Variants in OR51A4 observed in about 807,000 individuals in gnomAD.
OR51A4 encodes the protein olfactory receptor family 51 subfamily A member 4.
For synonymous variants in OR51A4, 96 were observed against 141.5 expected (o/e 0.68, Z 2.28); for missense variants, 243 against 364.0 (o/e 0.67, Z 2.70).
In OR51A4 at chr11:4,946,046, T is replaced by C. The variant is rs1846294148; in HGVS notation, c.*113A>G. On this transcript the variant is annotated 3_prime_UTR_variant, in exon 2 of 2. Transcript: ENST00000641898. The stretch of plus-strand genomic sequence containing the variant: ...GTATCCAGAGTGAATAAAATAACTC[T>C]ATGACAACAACAAAAATATGTGTTG... 1 of 739,538 alleles carries C rather than the reference T, an allele frequency of 1.4e-6. No individual in the cohort carries two copies. The highest frequency in any genetic ancestry group is 2.0e-6 in the Non-Finnish European group (1 of 498,188). The allele number at this position is 739,538 out of a possible 1,614,324, so 45.8% of individuals were successfully genotyped here. A position where few individuals can be genotyped will look rare whatever the true frequency, so the allele number is the denominator to read the frequency against.
At position 4,943,935 on chromosome 11, in the gene OR51A4, G is replaced by T. The variant is rs1300185562; in HGVS notation, c.*2224C>A. On this transcript the variant is annotated 3_prime_UTR_variant, in exon 2 of 2. Coordinates refer to ENST00000641898, the MANE Select transcript of OR51A4 (RefSeq NM_001005329.2). ...TATGTACAATATCCTGAAAGAATAA[G>T]ATGCTATTAAAGCCACCTAATTACT... 5 of 417,740 alleles carry T rather than the reference G, an allele frequency of 1.2e-5. No individual in the cohort carries two copies. The highest frequency in any genetic ancestry group is 2.4e-5 in the Non-Finnish European group (5 of 209,862). 25.9% of individuals were successfully genotyped at this position (417,740 alleles called of 1,614,324 possible). A position where few individuals can be genotyped will look rare whatever the true frequency, so the allele number is the denominator to read the frequency against.
At position 4,943,023 on chromosome 11, in the gene OR51A4, C is replaced by A. The variant is rs184652780; in HGVS notation, c.*3136G>T. 3 of 153,318 alleles carry A rather than the reference C, an allele frequency of 2.0e-5. No individual in the cohort carries two copies. The highest frequency in any genetic ancestry group is 1.9e-4 in the East Asian group (1 of 5,222). 9.5% of individuals were successfully genotyped at this position (153,318 alleles called of 1,614,324 possible). ...AAATTACAGTATTGTTCTCATGTAA[C>A]TCCTATATCATACAGGCATATTCTC... On this transcript the variant is annotated 3_prime_UTR_variant, in exon 2 of 2. Coordinates refer to ENST00000641898, the MANE Select transcript of OR51A4 (RefSeq NM_001005329.2).
Position 4,947,177 on chromosome 11 carries a change from GA to G in OR51A4, c.-62-16del, listed in dbSNP as rs530467330. 3.0e-6 allele frequency: 3 copies of G among 1,013,594 alleles called. No individual in the cohort carries two copies. Among genetic ancestry groups the G allele is most frequent in the African/African-American group, 1.7e-5 (1 of 60,026 alleles). The allele number at this position is 1,013,594 out of a possible 1,614,324, so 62.8% of individuals were successfully genotyped here. On this transcript the variant is annotated splice_polypyrimidine_tract_variant and intron_variant, in intron 1 of 1. Coordinates refer to ENST00000641898, the MANE Select transcript of OR51A4 (RefSeq NM_001005329.2). ...AATAGGAATATCTGTAAATTTAGTA[GA>G]AAAAAAGCAGTGTTAAAATTTGTGG...
rs1175420487 is a variant in OR51A4, at chr11:4,945,452, T to G, written c.*707A>C. The G allele has an allele frequency of 2.6e-5, 4 of 152,718 alleles. No homozygotes were observed. The highest frequency in any genetic ancestry group is 4.4e-5 in the Non-Finnish European group (3 of 68,538). The allele number at this position is 152,718 out of a possible 1,614,324, so 9.5% of individuals were successfully genotyped here. On this transcript the variant is annotated 3_prime_UTR_variant, in exon 2 of 2. Transcript: ENST00000641898. ...TAGGGTCTTAGAATATGTTCCTTATTGATTTAACTGTATTTCTAACAAAGG... is the reference window on the plus strand; with the variant it reads ...TAGGGTCTTAGAATATGTTCCTTATGGATTTAACTGTATTTCTAACAAAGG...
Position 4,946,808 on chromosome 11 carries a change from G to A in OR51A4, c.293C>T (p.Ala98Val). The A allele has an allele frequency of 2.5e-6, 4 of 1,587,462 alleles. No individual in the cohort carries two copies. Among genetic ancestry groups the A allele is most frequent in the Non-Finnish European group, 3.4e-6 (4 of 1,160,866 alleles). ...AATGAAGAATTCCTGGGCAAAGCAG[G>A]CATTGGATGAAATTTCAGGAGCATT... The part of the protein sequence containing the change: ...LFNAPEISSN[A>V]CFAQEFFIHG... The change falls in exon 2 of 2, where the codon GCC becomes GTC. Residue 98 changes from alanine to valine, a missense_variant. Ala to Val is a moderately conservative substitution (Grantham distance 64, BLOSUM62 0). Transcript: ENST00000641898.
rs1386761889 is a variant in OR51A4 at position 4,943,325 on chromosome 11, C to T, written c.*2834G>A. 1 of 332,376 alleles carries T rather than the reference C, an allele frequency of 3.0e-6. No individual in the cohort carries two copies. The highest frequency in any genetic ancestry group is 5.9e-6 in the Non-Finnish European group (1 of 168,398). 20.6% of individuals were successfully genotyped at this position (332,376 alleles called of 1,614,324 possible). On this transcript the variant is annotated 3_prime_UTR_variant, in exon 2 of 2. Transcript: ENST00000641898. Reference sequence around the variant, plus strand: ...GATTAATAAGTCTTTTAACATCTCTCAAGTGAAGTCTTTCAGTTTTCTCAG... The same window carrying T: ...GATTAATAAGTCTTTTAACATCTCTTAAGTGAAGTCTTTCAGTTTTCTCAG...
chr11:4,944,044 A>T lies in OR51A4; in HGVS notation c.*2115T>A, dbSNP rs1238376022. 1 of 433,568 alleles carries T rather than the reference A, an allele frequency of 2.3e-6. No individual in the cohort carries two copies. The highest frequency in any genetic ancestry group is 4.5e-6 in the Non-Finnish European group (1 of 219,986). The allele number at this position is 433,568 out of a possible 1,614,324, so 26.9% of individuals were successfully genotyped here. A position where few individuals can be genotyped will look rare whatever the true frequency, so the allele number is the denominator to read the frequency against. On this transcript the variant is annotated 3_prime_UTR_variant, in exon 2 of 2. Coordinates refer to ENST00000641898, the MANE Select transcript of OR51A4 (RefSeq NM_001005329.2). ...AGAATATGAGCTTCTATTTCTTTCA[A>T]TTAATAAAATATGTCAACTACTGCT... is the stretch of plus-strand genomic sequence containing the variant.
chr11:4,944,161 G>A lies in OR51A4; in HGVS notation c.*1998C>T, dbSNP rs554909715. On this transcript the variant is annotated 3_prime_UTR_variant, in exon 2 of 2. Transcript: ENST00000641898. ...GTTATGCACCTCAAACATAGGAACA[G>A]TTCTTGCCCTGATCTGATGATAGGA... The A allele has an allele frequency of 1.0e-4, 45 of 445,998 alleles. No homozygotes were observed. The highest frequency in any genetic ancestry group is 1.8e-4 in the Non-Finnish European group (40 of 223,996). The allele number at this position is 445,998 out of a possible 1,614,324, so 27.6% of individuals were successfully genotyped here.
chr11:4,946,013 C>T lies in OR51A4; in HGVS notation c.*146G>A. 1.3e-6 allele frequency: 1 copy of T among 750,340 alleles called. No individual in the cohort carries two copies. Among genetic ancestry groups the T allele is most frequent in the Non-Finnish European group, 2.2e-6 (1 of 454,016 alleles). The allele number at this position is 750,340 out of a possible 1,614,324, so 46.5% of individuals were successfully genotyped here. ...TACTTCCTGTTTATAGTTCTATTCT[C>T]ATTCGCAGTATCCAGAGTGAATAAA... On this transcript the variant is annotated 3_prime_UTR_variant, in exon 2 of 2. Transcript: ENST00000641898.
Position 4,945,790 on chromosome 11 carries a change from A to T in OR51A4, c.*369T>A, listed in dbSNP as rs964139620. 3.5e-6 allele frequency: 1 copy of T among 282,070 alleles called. No individual in the cohort carries two copies. The highest frequency in any genetic ancestry group is 6.7e-6 in the Non-Finnish European group (1 of 148,752). The allele number at this position is 282,070 out of a possible 1,614,324, so 17.5% of individuals were successfully genotyped here. ...TCTAAGATGATTAAAATGGATAAAG[A>T]GACAGCTAATTTAGGTCTAGCATTA... is the stretch of plus-strand genomic sequence containing the variant. On this transcript the variant is annotated 3_prime_UTR_variant, in exon 2 of 2. Transcript: ENST00000641898.
chr11:4,943,451 A>G lies in OR51A4; in HGVS notation c.*2708T>C, dbSNP rs1038789509. The G allele has an allele frequency of 6.6e-6, 3 of 455,816 alleles. No individual in the cohort carries two copies. The highest frequency in any genetic ancestry group is 1.3e-5 in the Non-Finnish European group (3 of 226,548). 28.2% of individuals were successfully genotyped at this position (455,816 alleles called of 1,614,324 possible). A position where few individuals can be genotyped will look rare whatever the true frequency, so the allele number is the denominator to read the frequency against. On this transcript the variant is annotated 3_prime_UTR_variant, in exon 2 of 2. Coordinates refer to ENST00000641898, the MANE Select transcript of OR51A4 (RefSeq NM_001005329.2). ...GTAATTTGTTTAACCATGGGGCTTA[A>G]TCATTTGTTATTTGATAGTTACATT...
rs758219998 is a variant in OR51A4, at chr11:4,946,895, G to A, written c.206C>T (p.Ala69Val). The change falls in exon 2 of 2, where the codon GCT becomes GTT. Residue 69 changes from alanine to valine, a missense_variant. Transcript: ENST00000641898. ...EPMYYFLSML[A>V]MSDLGLSLSS... ...TAAAGACAAACCCAAGTCTGACATAGCCAACATGGAAAGAAAATAGTACAT... is the reference window on the plus strand; with the variant it reads ...TAAAGACAAACCCAAGTCTGACATAACCAACATGGAAAGAAAATAGTACAT... 86 of 1,606,546 alleles carry A rather than the reference G, an allele frequency of 5.4e-5. No individual in the cohort carries two copies. The highest frequency in any genetic ancestry group is 7.2e-5 in the Non-Finnish European group (85 of 1,176,536).
Position 4,944,009 on chromosome 11 carries a change from G to A in OR51A4, c.*2150C>T, listed in dbSNP as rs2570581. The A allele has an allele frequency of 0.14, 59,310 of 419,228 alleles. 4,665 individuals are homozygous for A. Among genetic ancestry groups the A allele is most frequent in the South Asian group, 0.17 (9,673 of 56,890 alleles). The allele number at this position is 419,228 out of a possible 1,614,324, so 26.0% of individuals were successfully genotyped here. The stretch of plus-strand genomic sequence containing the variant: ...AGTCTTCATATTGGGCTGCCTATCC[G>A]CACACTGGGAGAATATGAGCTTCTA... On this transcript the variant is annotated 3_prime_UTR_variant, in exon 2 of 2. Coordinates refer to ENST00000641898, the MANE Select transcript of OR51A4 (RefSeq NM_001005329.2).
rs186015548 is a variant in OR51A4, at chr11:4,946,891, C to A, written c.210G>T (p.Met70Ile). 489 of 1,606,460 alleles carry A rather than the reference C, an allele frequency of 3.0e-4. No individual in the cohort carries two copies. Among genetic ancestry groups the A allele is most frequent in the Admixed American group, 1.1e-3 (68 of 59,370 alleles). ...ATGATAAAGACAAACCCAAGTCTGA[C>A]ATAGCCAACATGGAAAGAAAATAGT... ...PMYYFLSMLA[M>I]SDLGLSLSSL... Residue 70 changes from methionine (M) to isoleucine (I), a missense_variant, in exon 2 of 2, where the codon ATG becomes ATT. Transcript: ENST00000641898.
Position 4,944,935 on chromosome 11 carries a change from A to T in OR51A4, c.*1224T>A, listed in dbSNP as rs1050777622. On this transcript the variant is annotated 3_prime_UTR_variant, in exon 2 of 2. Coordinates refer to ENST00000641898, the MANE Select transcript of OR51A4 (RefSeq NM_001005329.2). The stretch of plus-strand genomic sequence containing the variant: ...CATGGTCTTATTTTTAAATTCATTC[A>T]TTAGCAATTATTTATTAAAATCTAC... 2 of 152,154 alleles carry T rather than the reference A, an allele frequency of 1.3e-5. No individual in the cohort carries two copies. The highest frequency in any genetic ancestry group is 4.8e-5 in the African/African-American group (2 of 41,458). The allele number at this position is 152,154 out of a possible 1,614,324, so 9.4% of individuals were successfully genotyped here.
chr11:4,945,923 C>T lies in OR51A4; in HGVS notation c.*236G>A. 1 of 515,974 alleles carries T rather than the reference C, an allele frequency of 1.9e-6. No individual in the cohort carries two copies. The highest frequency in any genetic ancestry group is 3.5e-6 in the Non-Finnish European group (1 of 288,286). 32.0% of individuals were successfully genotyped at this position (515,974 alleles called of 1,614,324 possible). On this transcript the variant is annotated 3_prime_UTR_variant, in exon 2 of 2. Coordinates refer to ENST00000641898, the MANE Select transcript of OR51A4 (RefSeq NM_001005329.2). ...CTTGGTTGTAATTTGTTGCTTGTAT[C>T]GGAGATGCTATCATAAGACATTTAT...
At position 4,946,938 on chromosome 11, in the gene OR51A4, G is replaced by C. The variant is rs762374029; in HGVS notation, c.163C>G (p.Pro55Ala). The change falls in exon 2 of 2, where the codon CCC (proline) becomes GCC (alanine). Residue 55 changes from proline (P) to alanine (A), a missense_variant. Transcript: ENST00000641898. ...GTILFIIKTE[P>A]SLHEPMYYFL... ...TAGTACATGGGCTCATGCAAGGAGGGCTCTGTCTTGATGATAAAAAGAATG... is the reference window on the plus strand; with the variant it reads ...TAGTACATGGGCTCATGCAAGGAGGCCTCTGTCTTGATGATAAAAAGAATG... 1 of 1,606,078 alleles carries C rather than the reference G, an allele frequency of 6.2e-7. No homozygotes were observed. The highest frequency in any genetic ancestry group is 8.5e-7 in the Non-Finnish European group (1 of 1,176,490).
chr11:4,947,157 G>T lies in OR51A4; in HGVS notation c.-57C>A. 2.7e-6 allele frequency: 3 copies of T among 1,105,750 alleles called. No homozygotes were observed. Among genetic ancestry groups the T allele is most frequent in the Non-Finnish European group, 2.5e-6 (2 of 791,406 alleles). 68.5% of individuals were successfully genotyped at this position (1,105,750 alleles called of 1,614,324 possible). ...ACAGATGCTTGTGTTGGTAAAATAG[G>T]AATATCTGTAAATTTAGTAGAAAAA... On this transcript the variant is annotated 5_prime_UTR_variant, in exon 2 of 2. Coordinates refer to ENST00000641898, the MANE Select transcript of OR51A4 (RefSeq NM_001005329.2).
rs1846265492 is a variant in OR51A4 at position 4,944,543 on chromosome 11, T to A, written c.*1616A>T. 1 of 152,370 alleles carries A rather than the reference T, an allele frequency of 6.6e-6. No homozygotes were observed. The highest frequency in any genetic ancestry group is 1.5e-5 in the Non-Finnish European group (1 of 68,204). 9.4% of individuals were successfully genotyped at this position (152,370 alleles called of 1,614,324 possible). ...ACGGTCAGTTGTGGGCTGATTATTATTTTTTAAGCATTTGACATTCCTGGA... is the reference window on the plus strand; with the variant it reads ...ACGGTCAGTTGTGGGCTGATTATTAATTTTTAAGCATTTGACATTCCTGGA... On this transcript the variant is annotated 3_prime_UTR_variant, in exon 2 of 2. Coordinates refer to ENST00000641898, the MANE Select transcript of OR51A4 (RefSeq NM_001005329.2).
Sources: allele counts gnomAD v4.1 joint callset, GRCh38; gene constraint gnomAD v4.1.1; transcripts MANE v1.5; gene names NCBI Gene and HGNC (gene_info 2026-07-23, HGNC 2026-07-21).